Variants in NSUN7 observed in about 807,000 individuals in gnomAD.
The protein encoded by NSUN7 is NOP2/Sun RNA methyltransferase family member 7, also known as protein NSUN7.
Under a neutral mutation model 58.5 loss-of-function variants are expected in NSUN7, and 39 were observed. The observed-to-expected ratio is 0.67, with a 90% CI of 0.52 to 0.87. The LOEUF (loss-of-function observed/expected upper bound fraction) is 0.87, where lower values mean the gene tolerates loss of function less well. NSUN7 is among the 40% of genes least tolerant of loss of function. NSUN7 has a pLI of 0.00. For missense variants in NSUN7, 765 were observed against 844.1 expected, an observed-to-expected ratio of 0.91 and a Z score of 1.16; for synonymous variants, 278 against 303.7, an observed-to-expected ratio of 0.92 and a Z score of 0.88.
At chr4:40,752,509 C>G (rs1257077007) in intron 2 of NSUN7, among the ~76,000 whole-genome samples, 4 of 152,210 alleles carry the variant, frequency 2.6e-5, no homozygotes, top group South Asian at 4.1e-4. Flanking sequence ...CAAGCTCCGC[C>G]TCCTGGGTTC....
chr4:40,805,076 T>C (rs751869033), intron 10 of NSUN7, among the ~76,000 whole-genome samples: 7 of 152,162 alleles, frequency 4.6e-5, no homozygotes, highest in Non-Finnish European at 7.3e-5. Flanking sequence ...TGTCCTCTTG[T>C]TCCTTCTTCT....
Position 40,808,608 on chromosome 4 carries a change from T to A in NSUN7, c.1826T>A (p.Leu609Gln), listed in dbSNP as rs567275190. Residue 609 changes from leucine (L) to glutamine (Q), a missense_variant, in exon 12 of 12, where the codon CTG becomes CAG. Physicochemically the swap from Leu to Gln is moderately radical, Grantham distance 113. Transcript: ENST00000381782. ...ASSQTRKPNK[L>Q]APHPAVPAFV... The stretch of plus-strand genomic sequence containing the variant: ...TCACAGACCAGAAAACCCAACAAGC[T>A]GGCCCCCCATCCTGCAGTGCCTGCA... 1 of 1,551,758 alleles carries A rather than the reference T, an allele frequency of 6.4e-7. No homozygotes were observed. Among genetic ancestry groups the A allele is most frequent in the South Asian group, 1.2e-5 (1 of 84,044 alleles).
chr4:40,782,393 G>A (rs191048351), intron 7 of NSUN7, among the ~76,000 whole-genome samples: 5 of 151,702 alleles, frequency 3.3e-5, no homozygotes, highest in Non-Finnish European at 7.4e-5. Context: ...GCAAAACCCC[G>A]TCTCTATAAA....
intron 4 of NSUN7, chr4:40,773,122 C>T (rs1742091417): frequency 6.6e-6 from 1 of 152,204 alleles, no homozygotes; most frequent in African/African-American, 2.4e-5. Context: ...CTTATCAAGA[C>T]TATACTGTTG....
In NSUN7 at chr4:40,808,370, C is replaced by T; in HGVS notation, c.1588C>T (p.Leu530=). ...GGCCCGAGCTGCAGCCAAGGGTCTG[C>T]TGGATGGGATTGAGTTGGGTAAATC... ...VLARAAAKGL[L]DGIELGKSSK... is the part of the protein sequence containing the mutation. The change falls in exon 12 of 12, where the codon CTG becomes TTG. Residue 530 remains leucine (L), a synonymous_variant. Transcript: ENST00000381782. The T allele has an allele frequency of 6.2e-7, 1 of 1,614,016 alleles. No individual in the cohort carries two copies. The highest frequency in any genetic ancestry group is 1.3e-5 in the African/African-American group (1 of 74,986).
chr4:40,805,854 A>G (rs1743789170), intron 10 of NSUN7, among the ~76,000 whole-genome samples: 1 of 151,526 alleles, frequency 6.6e-6, no homozygotes, highest in South Asian at 2.1e-4. Flanking sequence ...TATTATTATT[A>G]TTATTGAGAT....
chr4:40,773,575 C>T (rs1049523939), intron 4 of NSUN7, among the ~76,000 whole-genome samples: 1 of 151,226 alleles, frequency 6.6e-6, no homozygotes, highest in Non-Finnish European at 1.5e-5. Context: ...CCCAGCAACT[C>T]GGGAGGCTGA....
At chr4:40,786,849 T>C (rs1400481862) in intron 7 of NSUN7, 32 of 843,448 alleles carry the variant, frequency 3.8e-5, no homozygotes, top group African/African-American at 1.7e-5. Flanking sequence ...TGTTGAACAA[T>C]CAGATGCCCA....
chr4:40,789,253 T>C (rs12641398), intron 7 of NSUN7, among the ~76,000 whole-genome samples: 44,048 of 151,972 alleles, frequency 0.29, 6,763 homozygotes, highest in Non-Finnish European at 0.34. Flanking sequence ...AAAATCCAGA[T>C]TGTGGGAAAC....
rs377141264 is a variant in NSUN7 at position 40,808,706 on chromosome 4, A to G, written c.1924A>G (p.Arg642Gly). ...THFLRPRPED[R>G]MVALKPIKIV... ...CTTCTTAAGACCTCGGCCAGAAGACAGAATGGTTGCTCTGAAACCCATCAA... is the reference window on the plus strand; with the variant it reads ...CTTCTTAAGACCTCGGCCAGAAGACGGAATGGTTGCTCTGAAACCCATCAA... The change falls in exon 12 of 12, where the codon AGA becomes GGA. Residue 642 changes from arginine to glycine, a missense_variant. Coordinates refer to ENST00000381782, the MANE Select transcript of NSUN7 (RefSeq NM_024677.6). The G allele has an allele frequency of 1.3e-6, 2 of 1,551,442 alleles. No homozygotes were observed. Among genetic ancestry groups the G allele is most frequent in the African/African-American group, 1.4e-5 (1 of 72,886 alleles).
intron 7 of NSUN7, among the ~76,000 whole-genome samples, chr4:40,785,415 A>C (rs1362687497): frequency 6.6e-6 from 1 of 152,154 alleles, no homozygotes; most frequent in African/African-American, 2.4e-5. Flanking sequence ...GCTGGAGTGC[A>C]ATGGCGTGAT....
At chr4:40,804,246 C>G (rs1743724225) in intron 10 of NSUN7, among the ~76,000 whole-genome samples, 2 of 152,012 alleles carry the variant, frequency 1.3e-5, no homozygotes, top group South Asian at 4.2e-4. Context: ...TCGAGACCAG[C>G]CTGGCCAATG....
intron 7 of NSUN7, chr4:40,785,977 G>C (rs1198453102): frequency 1.6e-6 from 2 of 1,255,770 alleles, no homozygotes; most frequent in Non-Finnish European, 2.1e-6. Context: ...CGCCTCCCCA[G>C]CGGCTGGGAG....
intron 9 of NSUN7, 101 bp from the exon 10 acceptor site, chr4:40,798,686 A>G (rs1389956259): frequency 3.4e-6 from 2 of 582,636 alleles, no homozygotes; most frequent in Non-Finnish European, 5.8e-6. Flanking sequence ...TCTCATCAAA[A>G]CCATGTGGTA....
At chr4:40,786,591 T>C in intron 7 of NSUN7, 1 of 1,613,320 alleles carries the variant, frequency 6.2e-7, no homozygotes, top group Non-Finnish European at 8.5e-7. Flanking sequence ...GTTCATCAAC[T>C]CCTTGGCATT....
intron 2 of NSUN7, among the ~76,000 whole-genome samples, chr4:40,757,598 G>GTA (rs1195239039): frequency 4.2e-5 from 6 of 142,046 alleles, no homozygotes; most frequent in Admixed American, 2.1e-4. Flanking sequence ...CACATTGTGT[G>GTA]TATATATATA....
chr4:40,772,121 A>G (rs1327417045), intron 4 of NSUN7, among the ~76,000 whole-genome samples: 1 of 152,146 alleles, frequency 6.6e-6, no homozygotes, highest in African/African-American at 2.4e-5. Flanking sequence ...AAATTTTGTT[A>G]AAAATCATGG....
chr4:40,807,690 G>A (rs1743869486), intron 11 of NSUN7, among the ~76,000 whole-genome samples: 1 of 151,928 alleles, frequency 6.6e-6, no homozygotes, highest in African/African-American at 2.4e-5. Context: ...CTTCTGCCTG[G>A]CTGCCACCCC....
At chr4:40,807,287 T>C in intron 11 of NSUN7, 103 bp downstream of exon 11, 1 of 1,076,066 alleles carries the variant, frequency 9.3e-7, no homozygotes, top group Non-Finnish European at 1.3e-6. Context: ...AAAGATGTGT[T>C]TGCATTTCAC....
Sources: gnomAD v4.1 joint callset for allele counts (sites outside exome capture counted in the v4.1 genomes callset) on GRCh38, gnomAD v4.1.1 for gene constraint, MANE v1.5 for transcripts, NCBI Gene and HGNC (gene_info 2026-07-23, HGNC 2026-07-21) for gene names.